Variants in CACNA1E observed in about 807,000 individuals in gnomAD.
CACNA1E encodes calcium voltage-gated channel subunit alpha1 E.
CACNA1E carries 40 observed loss-of-function variants against 259.2 expected under a neutral mutation model. The observed-to-expected ratio is 0.15, with a 90% CI of 0.12 to 0.20. CACNA1E has a LOEUF of 0.20. CACNA1E is among the 10% of genes least tolerant of loss of function. The pLI is 1.00. For synonymous variants in CACNA1E, 1,104 were observed against 1,138.5 expected (o/e 0.97, Z 0.61); for missense variants, 1,874 against 3,040.1 (o/e 0.62, Z 9.02).
At position 181,733,021 on chromosome 1, in the gene CACNA1E, C is replaced by A; in HGVS notation, c.2935C>A (p.Gln979Lys). 6.2e-7 allele frequency: 1 copy of A among 1,604,848 alleles called. No homozygotes were observed. Among genetic ancestry groups the A allele is most frequent in the Non-Finnish European group, 8.5e-7 (1 of 1,175,502 alleles). Residue 979 changes from glutamine (Q) to lysine (K), a missense_variant, in exon 20 of 48, where the codon CAG (glutamine) becomes AAG (lysine). This residue lies in a region of CACNA1E where 476 missense variants were observed against 514.0 expected (regional missense o/e 0.93). Coordinates refer to ENST00000367573, the MANE Select transcript of CACNA1E (RefSeq NM_001205293.3). ...GCCAACGATCCAAGAAGAGAGAGCC[C>A]AGGATTTAAGGAGGTGAGTGAGTCA... ...KEPTIQEERA[Q>K]DLRRTNSLMV...
At chr1:181,579,005 C>A in intron 4 of CACNA1E, 67 bp from the exon 5 acceptor site, 1 of 1,317,364 alleles carries the variant, frequency 7.6e-7, no homozygotes, top group Non-Finnish European at 1.0e-6. Flanking sequence ...GGGAATGAAA[C>A]TAATCCTCCC....
chr1:181,648,258 A>C (rs1334244479), intron 6 of CACNA1E, among the ~76,000 whole-genome samples: 1 of 152,262 alleles, frequency 6.6e-6, no homozygotes, highest in Non-Finnish European at 1.5e-5. Flanking sequence ...ACCCTTTGTT[A>C]GGTGCCAGAT....
intron 25 of CACNA1E, 55 bp from the exon 26 acceptor site, chr1:181,750,421 T>A: frequency 6.4e-7 from 1 of 1,569,604 alleles, no homozygotes; most frequent in Non-Finnish European, 8.7e-7. Context: ...CAACCCCATT[T>A]TTTTGTTTTG....
chr1:181,715,961 C>T (rs1272994453), intron 9 of CACNA1E, 79 bp from the exon 10 acceptor site: 49 of 906,954 alleles, frequency 5.4e-5, no homozygotes, highest in Non-Finnish European at 7.5e-5. Flanking sequence ...GGCATCTTGC[C>T]TGCATTCCTC....
chr1:181,458,513 T>C (rs754117850), intron 2 of CACNA1E, among the ~76,000 whole-genome samples: 7 of 152,212 alleles, frequency 4.6e-5, no homozygotes, highest in Non-Finnish European at 8.8e-5. Flanking sequence ...AGGGAACACT[T>C]GTCCCATCAA....
intron 1 of CACNA1E, among the ~76,000 whole-genome samples, chr1:181,503,240 C>T (rs1020341457): frequency 6.6e-6 from 1 of 152,208 alleles, no homozygotes; most frequent in African/African-American, 2.4e-5. Context: ...TCGGCTCAGA[C>T]GAGGGTCATA....
intron 1 of CACNA1E, among the ~76,000 whole-genome samples, chr1:181,407,102 C>T (rs554360550): frequency 6.6e-6 from 1 of 152,274 alleles, no homozygotes; most frequent in Admixed American, 6.5e-5. Flanking sequence ...GCTGTGTTTT[C>T]CTTGAGTCTT....
Position 181,802,199 on chromosome 1 carries a change from A to G in CACNA1E, c.*3365A>G, listed in dbSNP as rs1400865506. The G allele has an allele frequency of 6.6e-6, 1 of 152,180 alleles. No homozygotes were observed. Among genetic ancestry groups the G allele is most frequent in the Non-Finnish European group, 1.5e-5 (1 of 68,072 alleles). The allele number at this position is 152,180 out of a possible 1,614,324, so 9.4% of individuals were successfully genotyped here. A position where few individuals can be genotyped will look rare whatever the true frequency, so the allele number is the denominator to read the frequency against. ...TGGCTCCACATGAGTCATGAACACA[A>G]TTGTCAGTGGGGGTCTCTGCTGCTC... On this transcript the variant is annotated 3_prime_UTR_variant, in exon 48 of 48. Coordinates refer to ENST00000367573, the MANE Select transcript of CACNA1E (RefSeq NM_001205293.3).
chr1:181,547,494 G>T (rs904021493), intron 3 of CACNA1E, among the ~76,000 whole-genome samples: 5 of 152,216 alleles, frequency 3.3e-5, no homozygotes, highest in African/African-American at 1.2e-4. Flanking sequence ...GACCTTGGAG[G>T]TCCTTGAGTC....
At chr1:181,463,682 T>A (rs1321907557) in intron 2 of CACNA1E, among the ~76,000 whole-genome samples, 1 of 152,164 alleles carries the variant, frequency 6.6e-6, no homozygotes, top group Non-Finnish European at 1.5e-5. Flanking sequence ...TTCTTATGAT[T>A]TCTGAGAATC....
chr1:181,520,559 T>C (rs1666925721), intron 3 of CACNA1E, among the ~76,000 whole-genome samples: 1 of 152,318 alleles, frequency 6.6e-6, no homozygotes, highest in South Asian at 2.1e-4. Context: ...CAGAAACAAA[T>C]TTCACTGAAA....
intron 8 of CACNA1E, among the ~76,000 whole-genome samples, chr1:181,712,737 G>A (rs1653501308): frequency 6.6e-6 from 1 of 151,968 alleles, no homozygotes; most frequent in South Asian, 2.1e-4. Context: ...AAGCAGATTT[G>A]CCTCTAGGCC....
intron 1 of CACNA1E, among the ~76,000 whole-genome samples, chr1:181,326,327 A>G (rs1023143588): frequency 6.6e-6 from 1 of 152,200 alleles, no homozygotes; most frequent in African/African-American, 2.4e-5. Flanking sequence ...TTAAAATGCA[A>G]ATATTTCTGA....
chr1:181,438,243 G>A (rs1660221620), intron 2 of CACNA1E, among the ~76,000 whole-genome samples: 3 of 152,114 alleles, frequency 2.0e-5, no homozygotes, highest in Admixed American at 1.3e-4. Flanking sequence ...TTTCACTTCC[G>A]GCCCCTTTTC....
At chr1:181,463,894 G>A (rs1661979789) in intron 2 of CACNA1E, among the ~76,000 whole-genome samples, 1 of 152,000 alleles carries the variant, frequency 6.6e-6, no homozygotes, top group Non-Finnish European at 1.5e-5. Context: ...TAAAAAAGAA[G>A]TCATTTATAT....
intron 36 of CACNA1E, 86 bp downstream of exon 36, chr1:181,771,470 G>C (rs562699404): frequency 1.3e-6 from 1 of 753,566 alleles, no homozygotes; most frequent in East Asian, 2.7e-5. Context: ...ATTTCCCTTT[G>C]TATCTTTATT....
chr1:181,473,370 C>T (rs185976276), intron 2 of CACNA1E, among the ~76,000 whole-genome samples: 11 of 152,262 alleles, frequency 7.2e-5, no homozygotes, highest in Admixed American at 7.2e-4. Context: ...CAATAGCATA[C>T]CCTTTGAATT....
chr1:181,371,913 C>G (rs189857239), intron 1 of CACNA1E, among the ~76,000 whole-genome samples: 1 of 152,302 alleles, frequency 6.6e-6, no homozygotes, highest in East Asian at 1.9e-4. Context: ...GACTTTATTT[C>G]TGGGTTCGTT....
At chr1:181,725,450 G>A (rs907706781) in intron 17 of CACNA1E, among the ~76,000 whole-genome samples, 8 of 152,288 alleles carry the variant, frequency 5.3e-5, no homozygotes, top group South Asian at 4.1e-4. Context: ...GTAAAATAAC[G>A]TCTGTGAAAA....
Sources: gnomAD v4.1 joint callset for allele counts (sites outside exome capture counted in the v4.1 genomes callset) on GRCh38, gnomAD v4.1.1 for gene constraint, gnomAD v4.1.1 regional missense constraint, MANE v1.5 for transcripts, NCBI Gene and HGNC (gene_info 2026-07-23, HGNC 2026-07-21) for gene names.